Variants in KANSL1L observed in about 807,000 individuals in gnomAD.
KANSL1L encodes the protein KAT8 regulatory NSL complex subunit 1-like protein.
KANSL1L carries 25 observed loss-of-function variants against 108.6 expected under a neutral mutation model. That is an observed-to-expected ratio of 0.23 (90% CI 0.17 to 0.32). KANSL1L has a LOEUF of 0.32. Among genes scored for constraint, KANSL1L ranks in the 10% least tolerant of loss-of-function variants. The probability of loss-of-function intolerance (pLI) is 1.00; values close to 1 mark genes in which losing one functional copy is unlikely to be tolerated. For missense variants in KANSL1L, 1,137 were observed against 1,125.7 expected, an observed-to-expected ratio of 1.01 and a Z score of -0.14; for synonymous variants, 405 against 395.1, an observed-to-expected ratio of 1.03 and a Z score of -0.30.
At chr2:210,067,695 GAC>G (rs2094476044) in intron 6 of KANSL1L, among the ~76,000 whole-genome samples, 1 of 121,866 alleles carries the variant, frequency 8.2e-6, no homozygotes, top group Middle Eastern at 4.8e-3. Flanking sequence ...CAGCCTGAGT[GAC>G]AGAGTGAGAC....
chr2:210,133,734 T>C (rs556179047), intron 2 of KANSL1L, among the ~76,000 whole-genome samples: 67 of 152,294 alleles, frequency 4.4e-4, no homozygotes, highest in African/African-American at 1.4e-3. Flanking sequence ...CCTCAAATTC[T>C]GATATGTCAT....
At chr2:210,148,950 T>G (rs2095283915) in intron 2 of KANSL1L, among the ~76,000 whole-genome samples, 1 of 152,098 alleles carries the variant, frequency 6.6e-6, no homozygotes, top group Non-Finnish European at 1.5e-5. Flanking sequence ...TTATCAACTT[T>G]AAAAATTACA....
chr2:210,104,610 C>T (rs890865670), intron 3 of KANSL1L, among the ~76,000 whole-genome samples: 1 of 152,084 alleles, frequency 6.6e-6, no homozygotes, highest in Non-Finnish European at 1.5e-5. Flanking sequence ...ATATTATACA[C>T]AGAACATGGA....
chr2:210,058,640 T>C (rs1477387201), intron 6 of KANSL1L, among the ~76,000 whole-genome samples: 1 of 152,110 alleles, frequency 6.6e-6, no homozygotes, highest in African/African-American at 2.4e-5. Flanking sequence ...GAGCCCATCC[T>C]GGCTAACATG....
chr2:210,087,861 T>G (rs899104569), intron 5 of KANSL1L, among the ~76,000 whole-genome samples: 1 of 152,194 alleles, frequency 6.6e-6, no homozygotes, highest in African/African-American at 2.4e-5. Context: ...ATTGGTCAAT[T>G]TGGGATTGAA....
At chr2:210,121,609 C>A (rs917456835) in intron 3 of KANSL1L, among the ~76,000 whole-genome samples, 56 of 152,066 alleles carry the variant, frequency 3.7e-4, no homozygotes, top group African/African-American at 1.3e-3. Flanking sequence ...ACAAGTTTAC[C>A]CATGTAACAC....
At chr2:210,063,368 A>G (rs1327670446) in intron 6 of KANSL1L, among the ~76,000 whole-genome samples, 1 of 152,236 alleles carries the variant, frequency 6.6e-6, no homozygotes, top group East Asian at 1.9e-4. Flanking sequence ...AGCCCCCACA[A>G]ACAGCCCCTA....
chr2:210,109,441 G>A (rs1420241787), intron 3 of KANSL1L, among the ~76,000 whole-genome samples: 1 of 152,024 alleles, frequency 6.6e-6, no homozygotes, highest in Admixed American at 6.6e-5. Flanking sequence ...TCTCCAGGAT[G>A]TCTACAGTAT....
rs866709373 is a variant in KANSL1L, at chr2:210,153,915, C to T, written c.668G>A (p.Arg223His). ...AAEKEEEVHARLLHCVSKQKI... is the reference protein window; with the variant it reads ...AAEKEEEVHAHLLHCVSKQKI... Reference sequence around the variant, plus strand: ...CTGTTTGCTTACACAATGAAGTAAACGAGCATGTACTTCCTCCTCTTTTTC... The same window carrying T: ...CTGTTTGCTTACACAATGAAGTAAATGAGCATGTACTTCCTCCTCTTTTTC... The change falls in exon 2 of 15, where the codon CGT (arginine) becomes CAT (histidine). Residue 223 changes from arginine to histidine, a missense_variant. Around this residue, in one of 3 missense-constraint regions of KANSL1L, gnomAD observed 556 missense variants for 537.7 expected, o/e 1.03. Coordinates refer to ENST00000281772, the MANE Select transcript of KANSL1L (RefSeq NM_152519.4). 1.9e-6 allele frequency: 3 copies of T among 1,613,242 alleles called. No individual in the cohort carries two copies. Among genetic ancestry groups the T allele is most frequent in the South Asian group, 1.1e-5 (1 of 90,934 alleles).
At chr2:210,150,980 G>A (rs2095299156) in intron 2 of KANSL1L, among the ~76,000 whole-genome samples, 1 of 151,946 alleles carries the variant, frequency 6.6e-6, no homozygotes, top group Admixed American at 6.6e-5. Context: ...GACTACTAAT[G>A]AAAATAACAT....
In KANSL1L at chr2:210,154,411, G is replaced by C; in HGVS notation, c.172C>G (p.Leu58Val). The change falls in exon 2 of 15, where the codon CTT becomes GTT. Residue 58 changes from leucine (L) to valine (V), a missense_variant. Coordinates refer to ENST00000281772, the MANE Select transcript of KANSL1L (RefSeq NM_152519.4). The stretch of plus-strand genomic sequence containing the variant: ...TTTAAATTCACAAAATTAGTATTAA[G>C]AGTAGGTTCAGGAGTTGGAAATCCA... ...MLGFPTPEPT[L>V]NTNFVNLKHF... is the part of the protein sequence containing the mutation. 6.2e-7 allele frequency: 1 copy of C among 1,612,496 alleles called. No homozygotes were observed. Among genetic ancestry groups the C allele is most frequent in the South Asian group, 1.1e-5 (1 of 90,668 alleles).
At chr2:210,084,191 A>G (rs2094615213) in intron 5 of KANSL1L, among the ~76,000 whole-genome samples, 1 of 152,096 alleles carries the variant, frequency 6.6e-6, no homozygotes, top group Non-Finnish European at 1.5e-5. Context: ...GGAGGCCGAC[A>G]CAAGCAGATT....
intron 1 of KANSL1L, among the ~76,000 whole-genome samples, chr2:210,154,947 G>A (rs2095324956): frequency 6.6e-6 from 1 of 151,506 alleles, no homozygotes; most frequent in African/African-American, 2.4e-5. Context: ...CCTATAATCT[G>A]GTAATAACAA....
Position 210,050,693 on chromosome 2 carries a change from G to GAA in KANSL1L, c.1756-6591_1756-6590dup, listed in dbSNP as rs1169870752. On this transcript the variant is annotated intron_variant, in intron 6 of 14. Transcript: ENST00000281772. ...GCAACATAGTGAGACCATCTCTACA[G>GAA]AAAAAAAAAAAAAAAAAAAAAATTA... is the stretch of plus-strand genomic sequence containing the variant. Among the ~76,000 whole-genome samples the GAA allele has an allele frequency of 1.3e-3, 70 of 53,314 alleles. 1 individual carries two copies. The highest frequency in any genetic ancestry group is 2.2e-3 in the African/African-American group (36 of 16,172). The allele number at this position is 53,314 out of a possible 152,430, so 35.0% of individuals were successfully genotyped here. A position where few individuals can be genotyped will look rare whatever the true frequency, so the allele number is the denominator to read the frequency against.
chr2:210,097,759 G>C (rs1006430436), intron 5 of KANSL1L: 1 of 158,020 alleles, frequency 6.3e-6, no homozygotes, highest in Non-Finnish European at 1.4e-5. Flanking sequence ...CGACAGCATG[G>C]AGCTCAAGAA....
intron 3 of KANSL1L, among the ~76,000 whole-genome samples, chr2:210,127,514 A>C (rs1033545792): frequency 3.3e-5 from 5 of 152,146 alleles, no homozygotes; most frequent in African/African-American, 1.2e-4. Context: ...GCAATGAACA[A>C]GGCTGAGCAC....
At chr2:210,107,320 G>C (rs952012149) in intron 3 of KANSL1L, among the ~76,000 whole-genome samples, 1 of 151,908 alleles carries the variant, frequency 6.6e-6, no homozygotes, top group Admixed American at 6.6e-5. Context: ...ATCTAAGAGA[G>C]AAACCATTTG....
At chr2:210,150,966 A>T (rs2095299100) in intron 2 of KANSL1L, among the ~76,000 whole-genome samples, 1 of 152,130 alleles carries the variant, frequency 6.6e-6, no homozygotes, top group Non-Finnish European at 1.5e-5. Context: ...GAAATCAATG[A>T]AGAGACTACT....
intron 2 of KANSL1L, among the ~76,000 whole-genome samples, chr2:210,137,895 G>T (rs1225230435): frequency 6.6e-6 from 1 of 152,084 alleles, no homozygotes; most frequent in Admixed American, 6.5e-5. Flanking sequence ...GCCAGGCATG[G>T]TGGTGCATAC....
Sources: allele counts gnomAD v4.1 joint callset (sites outside exome capture counted in the v4.1 genomes callset), GRCh38; gene constraint gnomAD v4.1.1; regional missense constraint gnomAD v4.1.1; transcripts MANE v1.5; gene names NCBI Gene and HGNC (gene_info 2026-07-23, HGNC 2026-07-21).